The following ITGAE variants were observed in gnomAD, a reference collection of about 807,000 sequenced individuals.
The protein encoded by ITGAE is integrin alpha-E.
Under a neutral mutation model 136.5 loss-of-function variants are expected in ITGAE, and 99 were observed. The observed-to-expected ratio is 0.73, with a 90% CI of 0.62 to 0.86. The LOEUF is 0.86. Among genes scored for constraint, ITGAE ranks in the 40% least tolerant of loss-of-function variants. The probability of loss-of-function intolerance (pLI) is 0.00; values close to 1 mark genes in which losing one functional copy is unlikely to be tolerated. For missense variants in ITGAE, 1,447 were observed against 1,515.3 expected (o/e 0.95, Z 0.75); for synonymous variants, 613 against 591.8 (o/e 1.04, Z -0.52).
chr17:3,801,037 G>A (rs2053246652), intron 1 of ITGAE, 74 bp downstream of exon 1: 2 of 1,522,432 alleles, frequency 1.3e-6, no homozygotes, highest in Non-Finnish European at 1.8e-6. Context: ...AGACAGTCAA[G>A]GCTGTAGTCT....
intron 22 of ITGAE, among the ~76,000 whole-genome samples, chr17:3,732,157 C>G (rs58452886): frequency 0.019 from 2,891 of 152,302 alleles, 35 homozygotes; most frequent in Middle Eastern, 0.037. Context: ...CGGAGGTGAG[C>G]AGGCAGTTCA....
chr17:3,727,386 C>G (rs542929276), intron 26 of ITGAE, among the ~76,000 whole-genome samples: 2 of 148,166 alleles, frequency 1.3e-5, no homozygotes, highest in South Asian at 4.2e-4. Flanking sequence ...TGTCTACTGA[C>G]AAGGTTTTAA....
chr17:3,743,411 C>T, intron 19 of ITGAE, 78 bp downstream of exon 19: 1 of 1,468,206 alleles, frequency 6.8e-7, no homozygotes, highest in Non-Finnish European at 9.1e-7. Flanking sequence ...CTCCACCATT[C>T]TTGGAAGTTA....
chr17:3,727,590 G>A (rs1000883813), intron 26 of ITGAE, among the ~76,000 whole-genome samples: 1 of 151,904 alleles, frequency 6.6e-6, no homozygotes, highest in Non-Finnish European at 1.5e-5. Flanking sequence ...TAGTAGAGAC[G>A]GGGTTTCACC....
intron 26 of ITGAE, 193 bp from the exon 27 acceptor site, chr17:3,723,937 T>A (rs1176915274): frequency 6.4e-7 from 1 of 1,551,074 alleles, no homozygotes; most frequent in Non-Finnish European, 8.7e-7. Flanking sequence ...GTGCCGGCCA[T>A]GGCGGCTTCG....
chr17:3,747,907 G>A lies in ITGAE; in HGVS notation c.2155+15C>T. 6.3e-7 allele frequency: 1 copy of A among 1,590,766 alleles called. No homozygotes were observed. Among genetic ancestry groups the A allele is most frequent in the Admixed American group, 1.7e-5 (1 of 58,670 alleles). On this transcript the variant is annotated intron_variant, in intron 17 of 30. Transcript: ENST00000263087. ...CCATCACACCAGGCAGGGGTCAGCTGGACCATTTTTTTACCTGACTCAGAG... is the reference window on the plus strand; with the variant it reads ...CCATCACACCAGGCAGGGGTCAGCTAGACCATTTTTTTACCTGACTCAGAG...
At chr17:3,730,043 C>T (rs988910723) in intron 23 of ITGAE, among the ~76,000 whole-genome samples, 1 of 152,172 alleles carries the variant, frequency 6.6e-6, no homozygotes. Context: ...CTCTCCCCAA[C>T]CCTGCCCCTC....
intron 27 of ITGAE, 55 bp downstream of exon 27, chr17:3,723,633 T>C: frequency 6.7e-7 from 1 of 1,491,680 alleles, no homozygotes; most frequent in Non-Finnish European, 9.0e-7. Flanking sequence ...TGGCCTCTCG[T>C]TACCCGCTTC....
At chr17:3,725,656 T>C (rs1407833321) in intron 26 of ITGAE, 1 of 1,598,644 alleles carries the variant, frequency 6.3e-7, no homozygotes, top group Non-Finnish European at 8.5e-7. Flanking sequence ...CCCTTGCTCC[T>C]CAAAGCCTGG....
At chr17:3,728,367 C>CTTT in intron 24 of ITGAE, 199 bp from the exon 25 acceptor site, 2 of 288,284 alleles carry the variant, frequency 6.9e-6, no homozygotes, top group South Asian at 3.5e-5. Context: ...TACACTCATC[C>CTTT]CTTTTTTTTT....
In ITGAE at chr17:3,773,829, C is replaced by G. The variant is rs77965039; in HGVS notation, c.155+3711G>C. Among the ~76,000 whole-genome samples, 457 of 152,306 alleles carry G rather than the reference C, an allele frequency of 3.0e-3. 2 individuals carry two copies. Among genetic ancestry groups the G allele is most frequent in the African/African-American group, 0.011 (445 of 41,564 alleles). On this transcript the variant is annotated intron_variant, in intron 2 of 30. Coordinates refer to ENST00000263087, the MANE Select transcript of ITGAE (RefSeq NM_002208.5). ...TGACCAGCCCCCATTTTGAAGCTAT[C>G]TGGGGGCTGCCGGTCCCCCGTCAAC...
rs535587704 is a variant in ITGAE at position 3,755,179 on chromosome 17, C to A, written c.1322G>T (p.Arg441Leu). Residue 441 changes from arginine (R) to leucine (L), a missense_variant, in exon 12 of 31, where the codon CGC becomes CTC. Physicochemically the swap from Arg to Leu is moderately radical, Grantham distance 102. Around this residue, in one of 3 missense-constraint regions of ITGAE, gnomAD observed 1,031 missense variants for 1,011.4 expected, o/e 1.02. Coordinates refer to ENST00000263087, the MANE Select transcript of ITGAE (RefSeq NM_002208.5). ...CGCCGCCGCTGTCTGGTTCAGGAAG[C>A]GGCCCCGGCGGCTGCGTGTGTCGTA... ...LLYDTRSRRG[R>L]FLNQTAAAAA... 8.2e-6 allele frequency: 13 copies of A among 1,576,524 alleles called. No homozygotes were observed. The African/African-American group carries it at 1.8e-4, about 21-fold the overall frequency.
rs986253425 is a variant in ITGAE, at chr17:3,723,809, C to T, written c.3085-65G>A. 7 of 1,581,476 alleles carry T rather than the reference C, an allele frequency of 4.4e-6. No individual in the cohort carries two copies. The East Asian group carries it at 6.7e-5, about 15-fold the overall frequency. On this transcript the variant is annotated intron_variant, in intron 26 of 30. Transcript: ENST00000263087. The stretch of plus-strand genomic sequence containing the variant: ...AAGCCGCCAGTTTTCCGTCCCGTCC[C>T]GGCCCCGGCCCTGGCGAGGTGCGCA...
At chr17:3,743,711 T>TC (rs2051643618) in intron 18 of ITGAE, 94 bp from the exon 19 acceptor site, 1 of 1,368,842 alleles carries the variant, frequency 7.3e-7, no homozygotes, top group African/African-American at 1.6e-5. Flanking sequence ...TTTTCTTTTT[T>TC]TTTTTTTTTG....
At position 3,798,773 on chromosome 17, in the gene ITGAE, G is replaced by A. The variant is rs1184139122; in HGVS notation, c.34+2338C>T. Among the ~76,000 whole-genome samples, 1 of 152,190 alleles carries A rather than the reference G, an allele frequency of 6.6e-6. No homozygotes were observed. The highest frequency in any genetic ancestry group is 2.4e-5 in the African/African-American group (1 of 41,444). Reference sequence around the variant, plus strand: ...AACTCAACCTCTGAGACCCAGGATGGAGAAGTGAGTTGATGTGACTGCAGA... The same window carrying A: ...AACTCAACCTCTGAGACCCAGGATGAAGAAGTGAGTTGATGTGACTGCAGA... On this transcript the variant is annotated intron_variant, in intron 1 of 30. Coordinates refer to ENST00000263087, the MANE Select transcript of ITGAE (RefSeq NM_002208.5). The surrounding 1 kb of genome is among the most constrained non-coding windows in gnomAD (Gnocchi z 4.3).
chr17:3,748,128 C>G (rs1020447232), intron 16 of ITGAE, 76 bp from the exon 17 acceptor site: 2 of 1,456,594 alleles, frequency 1.4e-6, no homozygotes, highest in Non-Finnish European at 1.9e-6. Flanking sequence ...TTGGTTCATG[C>G]ATTCAATGGT....
At chr17:3,724,845 G>T (rs147870200) in intron 26 of ITGAE, 3 of 1,613,982 alleles carry the variant, frequency 1.9e-6, no homozygotes, top group Non-Finnish European at 2.5e-6. Context: ...TCAAGAGAGA[G>T]GGCTTCAAGA....
Position 3,751,883 on chromosome 17 carries a change from C to A in ITGAE, c.1669-9G>T. The A allele has an allele frequency of 1.2e-6, 2 of 1,610,898 alleles. No individual in the cohort carries two copies. The highest frequency in any genetic ancestry group is 1.7e-6 in the Non-Finnish European group (2 of 1,177,134). On this transcript the variant is annotated splice_polypyrimidine_tract_variant and intron_variant, in intron 14 of 30. Transcript: ENST00000263087. ...AAGGAGAAAGAACCATCCTGTAAAG[C>A]AAACAAACAGCTCAGCCCTCAAGAA...
At chr17:3,746,603 C>T (rs1415787255) in intron 17 of ITGAE, among the ~76,000 whole-genome samples, 1 of 152,076 alleles carries the variant, frequency 6.6e-6, no homozygotes. Flanking sequence ...CTACAGGCGC[C>T]CGCCACCACA....
Sources: allele counts gnomAD v4.1 joint callset (sites outside exome capture counted in the v4.1 genomes callset), GRCh38; gene constraint gnomAD v4.1.1; regional missense constraint gnomAD v4.1.1; non-coding constraint Gnocchi (gnomAD v3.1); transcripts MANE v1.5; gene names NCBI Gene and HGNC (gene_info 2026-07-23, HGNC 2026-07-21).